The following GRID1 variants were observed in gnomAD, a reference collection of about 807,000 sequenced individuals.
The protein encoded by GRID1 is glutamate receptor ionotropic, delta-1.
In GRID1, 28 loss-of-function variants were observed where a neutral mutation model predicts 98.0. The observed-to-expected ratio is 0.29, with a 90% CI of 0.21 to 0.39. GRID1 has a LOEUF of 0.39. GRID1 is among the 10% of genes least tolerant of loss of function. The pLI is 1.00. For synonymous variants in GRID1, 553 were observed against 538.5 expected, an observed-to-expected ratio of 1.03 and a Z score of -0.37; for missense variants, 1,111 against 1,340.5, an observed-to-expected ratio of 0.83 and a Z score of 2.67.
chr10:85,725,327 C>G (rs1179859051), intron 10 of GRID1, among the ~76,000 whole-genome samples: 1 of 152,180 alleles, frequency 6.6e-6, no homozygotes. Context: ...TAATTCATGG[C>G]TTGCAAACCC....
At chr10:86,234,832 C>T (rs1373537993) in intron 2 of GRID1, among the ~76,000 whole-genome samples, 5 of 152,128 alleles carry the variant, frequency 3.3e-5, no homozygotes. Context: ...ATACTGGCGA[C>T]ACAGGGAGCC....
intron 4 of GRID1, among the ~76,000 whole-genome samples, chr10:85,998,843 A>G (rs1842770348): frequency 6.6e-6 from 1 of 152,232 alleles, no homozygotes; most frequent in Non-Finnish European, 1.5e-5. Flanking sequence ...TTAAAATGAT[A>G]AGAAGGGAAT....
At chr10:85,912,251 AC>A (rs955623324) in intron 5 of GRID1, among the ~76,000 whole-genome samples, 29 of 152,266 alleles carry the variant, frequency 1.9e-4, no homozygotes, top group African/African-American at 6.7e-4. Context: ...GTAATCTGCA[AC>A]CTAATCAGTC....
intron 2 of GRID1, among the ~76,000 whole-genome samples, chr10:86,207,595 G>C (rs959818520): frequency 2.0e-5 from 3 of 150,530 alleles, no homozygotes; most frequent in Non-Finnish European, 3.0e-5. Flanking sequence ...TGGTTTATGC[G>C]ATGGCAAGGA....
At chr10:86,043,001 C>A (rs1843368419) in intron 4 of GRID1, among the ~76,000 whole-genome samples, 1 of 152,012 alleles carries the variant, frequency 6.6e-6, no homozygotes, top group South Asian at 2.1e-4. Context: ...GGAAGGATCC[C>A]TTGAGCCAGT....
Position 85,617,574 on chromosome 10 carries a change from C to T in GRID1, c.2360+2293G>A, listed in dbSNP as rs1222746183. ...CATCAGTAAGTTGGCAACCTGAGGT[C>T]TGAGTGTCCCCACTCAAGGGATAAT... On this transcript the variant is annotated intron_variant, in intron 14 of 15. Coordinates refer to ENST00000327946, the MANE Select transcript of GRID1 (RefSeq NM_017551.3). Among the ~76,000 whole-genome samples the T allele has an allele frequency of 2.6e-5, 4 of 152,266 alleles. No individual in the cohort carries two copies. The East Asian group carries it at 7.7e-4, about 29-fold the overall frequency.
intron 8 of GRID1, among the ~76,000 whole-genome samples, chr10:85,748,329 A>C (rs1027179286): frequency 6.6e-6 from 1 of 152,200 alleles, no homozygotes; most frequent in Admixed American, 6.5e-5. Flanking sequence ...CCTGAGAAAC[A>C]TCATGTGACC....
chr10:86,107,999 G>C (rs1309825860), intron 4 of GRID1, among the ~76,000 whole-genome samples: 1 of 152,196 alleles, frequency 6.6e-6, no homozygotes, highest in African/African-American at 2.4e-5. Flanking sequence ...GGGATACAGA[G>C]AGCCCTTTGT....
chr10:85,930,891 G>A (rs1203992171), intron 4 of GRID1, among the ~76,000 whole-genome samples: 1 of 151,930 alleles, frequency 6.6e-6, no homozygotes, highest in Non-Finnish European at 1.5e-5. Flanking sequence ...ATCCAGACTG[G>A]AGTGCAGTGG....
intron 4 of GRID1, among the ~76,000 whole-genome samples, chr10:86,039,442 T>C (rs187564199): frequency 1.6e-4 from 25 of 152,344 alleles, no homozygotes; most frequent in African/African-American, 4.8e-4. Flanking sequence ...CCTTTCCCCA[T>C]GTTTTATCTC....
chr10:86,341,635 G>C (rs2132110268), intron 2 of GRID1, among the ~76,000 whole-genome samples: 1 of 152,228 alleles, frequency 6.6e-6, no homozygotes, highest in East Asian at 1.9e-4. Context: ...CAAAACCACG[G>C]ACACATTTCA....
chr10:85,869,208 C>T, intron 5 of GRID1, 28 bp from the exon 6 acceptor site: 1 of 1,599,342 alleles, frequency 6.3e-7, no homozygotes. Flanking sequence ...CCCATGCTTA[C>T]CATCCACTCA....
At chr10:85,702,201 T>C (rs1233943174) in intron 12 of GRID1, among the ~76,000 whole-genome samples, 3 of 151,700 alleles carry the variant, frequency 2.0e-5, no homozygotes, top group Non-Finnish European at 2.9e-5. Context: ...ATGAAATCCA[T>C]AAAACATTGG....
rs775121477 is a variant in GRID1 at position 85,613,592 on chromosome 10, G to A, written c.2416C>T (p.Pro806Ser). 2 of 1,614,156 alleles carry A rather than the reference G, an allele frequency of 1.2e-6. No individual in the cohort carries two copies. The highest frequency in any genetic ancestry group is 1.3e-5 in the African/African-American group (1 of 75,072). Residue 806 changes from proline to serine, a missense_variant, in exon 15 of 16, where the codon CCG (proline) becomes TCG (serine). Transcript: ENST00000327946. ...DLDVLKQKWW[P>S]HMGRCDLTSH... Reference sequence around the variant, plus strand: ...GTGAGGTCACAGCGGCCCATGTGCGGCCACCACTTCTGCTTCAGCACATCC... The same window carrying A: ...GTGAGGTCACAGCGGCCCATGTGCGACCACCACTTCTGCTTCAGCACATCC...
intron 4 of GRID1, among the ~76,000 whole-genome samples, chr10:85,935,488 T>C (rs980535708): frequency 6.6e-6 from 1 of 152,188 alleles, no homozygotes; most frequent in African/African-American, 2.4e-5. Context: ...AGTATCAGCC[T>C]GACCCTCCAC....
At chr10:85,955,041 T>G (rs1842171665) in intron 4 of GRID1, among the ~76,000 whole-genome samples, 1 of 152,166 alleles carries the variant, frequency 6.6e-6, no homozygotes, top group Non-Finnish European at 1.5e-5. Flanking sequence ...AAACATGCCA[T>G]TGACTAAGAC....
chr10:86,343,584 A>G (rs1347939706), intron 2 of GRID1, among the ~76,000 whole-genome samples: 29 of 152,234 alleles, frequency 1.9e-4, no homozygotes, highest in Admixed American at 1.9e-3. Context: ...AACATAAGCC[A>G]TTGTTGGCTC....
chr10:85,855,717 G>T (rs1371759717), intron 7 of GRID1, among the ~76,000 whole-genome samples: 3 of 152,206 alleles, frequency 2.0e-5, no homozygotes, highest in Non-Finnish European at 2.9e-5. Flanking sequence ...GCATAGAGGG[G>T]TACCTTGCAG....
intron 8 of GRID1, among the ~76,000 whole-genome samples, chr10:85,773,006 C>G (rs1842289114): frequency 6.6e-6 from 1 of 152,158 alleles, no homozygotes; most frequent in African/African-American, 2.4e-5. Context: ...CAAAGCCGGG[C>G]AGAGACAAAA....
Sources: allele counts gnomAD v4.1 joint callset (sites outside exome capture counted in the v4.1 genomes callset), GRCh38; gene constraint gnomAD v4.1.1; transcripts MANE v1.5; gene names NCBI Gene and HGNC (gene_info 2026-07-23, HGNC 2026-07-21).